ABCB1: variants seen among roughly 807,000 people sequenced by gnomAD.
ABCB1 encodes the protein ATP-dependent translocase ABCB1.
ABCB1 carries 69 observed loss-of-function variants against 142.0 expected under a neutral mutation model. The observed-to-expected ratio is 0.49, with a 90% CI of 0.40 to 0.59. ABCB1 has a LOEUF of 0.59. ABCB1 is among the 20% of genes least tolerant of loss of function. The pLI is 0.00. For synonymous variants in ABCB1, 532 were observed against 539.2 expected (o/e 0.99, Z 0.18); for missense variants, 1,326 against 1,554.7 (o/e 0.85, Z 2.47).
upstream of ABCB1, among the ~76,000 whole-genome samples, chr7:87,603,775 G>A (rs1819549694): frequency 6.6e-6 from 1 of 152,180 alleles, no homozygotes; most frequent in Non-Finnish European, 1.5e-5. Flanking sequence ...ACTTAGATAA[G>A]GACCATCTCT....
intron 1 of ABCB1, among the ~76,000 whole-genome samples, chr7:87,674,257 G>A (rs899173963): frequency 6.6e-6 from 1 of 152,190 alleles, no homozygotes; most frequent in Non-Finnish European, 1.5e-5. Context: ...CAGTGGAAGC[G>A]AGGCAGTGAT....
chr7:87,541,398 G>C lies in ABCB1; in HGVS notation c.2278C>G (p.Leu760Val), dbSNP rs1251424548. 1 of 1,607,154 alleles carries C rather than the reference G, an allele frequency of 6.2e-7. No individual in the cohort carries two copies. Among genetic ancestry groups the C allele is most frequent in the East Asian group, 2.2e-5 (1 of 44,842 alleles). The change falls in exon 18 of 28, where the codon CTA becomes GTA. Residue 760 changes from leucine to valine, a missense_variant. Leu to Val is a conservative substitution (Grantham distance 32). Coordinates refer to ENST00000622132, the MANE Select transcript of ABCB1 (RefSeq NM_001348946.2). ...QNSNLFSLLF[L>V]ALGIISFITF... Reference sequence around the variant, plus strand: ...ATAAAAGAAATAATTCCAAGGGCTAGAAACAATAGTGAAAACAAGTTACTA... The same window carrying C: ...ATAAAAGAAATAATTCCAAGGGCTACAAACAATAGTGAAAACAAGTTACTA...
intron 18 of ABCB1, among the ~76,000 whole-genome samples, chr7:87,541,011 T>C (rs1486641291): frequency 6.6e-6 from 1 of 152,174 alleles, no homozygotes; most frequent in African/African-American, 2.4e-5. Context: ...AGACATTTCT[T>C]TGAGTATTTA....
chr7:87,553,885 G>A lies in ABCB1; in HGVS notation c.875C>T (p.Ala292Val), dbSNP rs771196019. Residue 292 changes from alanine to valine, a missense_variant, in exon 9 of 28, where the codon GCT becomes GTT. Ala to Val is a moderately conservative substitution (Grantham distance 64). Transcript: ENST00000622132. Reference sequence around the variant, plus strand: ...ACCTATAGAAATATTGGCTGTAATAGCTTTCTTTATCCCAATTCTTTTAGC... The same window carrying A: ...ACCTATAGAAATATTGGCTGTAATAACTTTCTTTATCCCAATTCTTTTAGC... ...EEAKRIGIKKAITANISIGAA... is the reference protein window; with the variant it reads ...EEAKRIGIKKVITANISIGAA... 1.9e-6 allele frequency: 3 copies of A among 1,614,042 alleles called. No individual in the cohort carries two copies. The highest frequency in any genetic ancestry group is 1.7e-6 in the Non-Finnish European group (2 of 1,179,958).
chr7:87,531,511 C>T lies in ABCB1; in HGVS notation c.2482-14G>A. The T allele has an allele frequency of 6.2e-7, 1 of 1,610,740 alleles. No homozygotes were observed. Among genetic ancestry groups the T allele is most frequent in the Non-Finnish European group, 8.5e-7 (1 of 1,178,636 alleles). ...GGAACCTATAGCCTGCAAAACAAAACAAATTAGAGAAATTTTAAAAATATT... is the reference window on the plus strand; with the variant it reads ...GGAACCTATAGCCTGCAAAACAAAATAAATTAGAGAAATTTTAAAAATATT... On this transcript the variant is annotated splice_polypyrimidine_tract_variant and intron_variant, in intron 20 of 27. Transcript: ENST00000622132.
chr7:87,632,139 A>G (rs1821286153), intron 1 of ABCB1, among the ~76,000 whole-genome samples: 1 of 151,566 alleles, frequency 6.6e-6, no homozygotes, highest in African/African-American at 2.4e-5. Flanking sequence ...ACCAGCATAT[A>G]TCATTCTAGT....
chr7:87,544,339 C>T lies in ABCB1; in HGVS notation c.2065-64G>A, dbSNP rs60345576. The T allele has an allele frequency of 3.9e-4, 587 of 1,505,956 alleles. 4 individuals are homozygous for T. The South Asian group carries it at 4.9e-3, about 13-fold the overall frequency. 93.3% of individuals were successfully genotyped at this position (1,505,956 alleles called of 1,614,324 possible). A position where few individuals can be genotyped will look rare whatever the true frequency, so the allele number is the denominator to read the frequency against. ...CTTTTATATGTACAATTCTTACATACGCACAAAAATTAGTAAAGGAATATA... is the reference window on the plus strand; with the variant it reads ...CTTTTATATGTACAATTCTTACATATGCACAAAAATTAGTAAAGGAATATA... On this transcript the variant is annotated intron_variant, in intron 16 of 27. Coordinates refer to ENST00000622132, the MANE Select transcript of ABCB1 (RefSeq NM_001348946.2).
At chr7:87,664,201 C>A (rs888593157) in intron 1 of ABCB1, among the ~76,000 whole-genome samples, 1 of 152,086 alleles carries the variant, frequency 6.6e-6, no homozygotes. Context: ...TGGCACACTT[C>A]TGTAGTCCAA....
At chr7:87,610,579 A>C (rs186902595) in intron 1 of ABCB1, among the ~76,000 whole-genome samples, 11 of 152,096 alleles carry the variant, frequency 7.2e-5, no homozygotes, top group Admixed American at 3.9e-4. Flanking sequence ...AATGCTATGC[A>C]TTACAACCAA....
intron 14 of ABCB1, among the ~76,000 whole-genome samples, chr7:87,546,925 C>G (rs948717772): frequency 6.6e-6 from 1 of 152,064 alleles, no homozygotes; most frequent in Admixed American, 6.6e-5. Context: ...GTTGTGATGA[C>G]TAAATAAAAT....
intron 1 of ABCB1, among the ~76,000 whole-genome samples, chr7:87,648,012 G>A (rs995968911): frequency 1.3e-5 from 2 of 151,726 alleles, no homozygotes; most frequent in African/African-American, 2.4e-5. Context: ...GTGAAACCCC[G>A]CCTCTACTAA....
intron 14 of ABCB1, among the ~76,000 whole-genome samples, chr7:87,547,099 G>T (rs1022643214): frequency 6.6e-6 from 1 of 152,106 alleles, no homozygotes; most frequent in African/African-American, 2.4e-5. Context: ...TCTAACCTTT[G>T]TAACTTTCCC....
intron 1 of ABCB1, among the ~76,000 whole-genome samples, chr7:87,695,680 G>A (rs1173224146): frequency 6.6e-6 from 1 of 151,902 alleles, no homozygotes; most frequent in African/African-American, 2.4e-5. Flanking sequence ...CTAAAGATGG[G>A]GAATTAAGTC....
At chr7:87,636,103 G>A (rs905462145) in intron 1 of ABCB1, among the ~76,000 whole-genome samples, 1 of 152,158 alleles carries the variant, frequency 6.6e-6, no homozygotes, top group Non-Finnish European at 1.5e-5. Context: ...TTAGCTTGGA[G>A]TGGAATTGAT....
intron 1 of ABCB1, among the ~76,000 whole-genome samples, chr7:87,674,501 T>C (rs1231269611): frequency 6.6e-6 from 1 of 152,038 alleles, no homozygotes; most frequent in Non-Finnish European, 1.5e-5. Flanking sequence ...CACACATACA[T>C]GTACCAGCAT....
intron 3 of ABCB1, among the ~76,000 whole-genome samples, chr7:87,594,555 T>C (rs189873058): frequency 5.3e-5 from 8 of 152,336 alleles, no homozygotes; most frequent in African/African-American, 1.7e-4. Context: ...GTGACAGCAC[T>C]GAAATCCTGG....
intron 7 of ABCB1, among the ~76,000 whole-genome samples, chr7:87,562,167 TC>T (rs1817584762): frequency 6.6e-6 from 1 of 152,366 alleles, no homozygotes; most frequent in East Asian, 1.9e-4. Context: ...AGTGGATTTC[TC>T]CCTTTCCTGT....
intron 21 of ABCB1, among the ~76,000 whole-genome samples, chr7:87,524,024 T>C (rs987995511): frequency 6.6e-6 from 1 of 152,234 alleles, no homozygotes; most frequent in Non-Finnish European, 1.5e-5. Flanking sequence ...GAGTGTTTTA[T>C]AGCTTAAAAT....
At chr7:87,582,640 C>T (rs992479603) in intron 4 of ABCB1, among the ~76,000 whole-genome samples, 6 of 152,206 alleles carry the variant, frequency 3.9e-5, no homozygotes, top group East Asian at 1.9e-4. Context: ...GCAGACCATA[C>T]GGTTTGTACA....
Sources: gnomAD v4.1 joint callset for allele counts (sites outside exome capture counted in the v4.1 genomes callset) on GRCh38, gnomAD v4.1.1 for gene constraint, MANE v1.5 for transcripts, NCBI Gene and HGNC (gene_info 2026-07-23, HGNC 2026-07-21) for gene names.